Variants in ZNF638 observed in about 807,000 individuals in gnomAD.
The protein encoded by ZNF638 is CTCL tumor antigen se33-1.
In ZNF638, 46 loss-of-function variants were observed where a neutral mutation model predicts 195.6. The ratio of observed to expected loss-of-function variants is 0.24; its 90% CI spans 0.19 to 0.30. The LOEUF is 0.30. ZNF638 is among the 10% of genes least tolerant of loss of function. The pLI, the probability that ZNF638 is intolerant of heterozygous loss-of-function variation, is 1.00. For missense variants in ZNF638, 2,440 were observed against 2,325.3 expected (o/e 1.05, Z -1.01); for synonymous variants, 845 against 772.0 (o/e 1.09, Z -1.57).
intron 10 of ZNF638, among the ~76,000 whole-genome samples, chr2:71,384,153 C>T (rs984462883): frequency 2.0e-5 from 3 of 152,188 alleles, no homozygotes; most frequent in African/African-American, 7.2e-5. Flanking sequence ...ACTGACTCTA[C>T]TTCAGCTCTC....
intron 10 of ZNF638, among the ~76,000 whole-genome samples, chr2:71,382,886 A>G (rs1990775): frequency 0.9 from 137,430 of 152,278 alleles, 62,096 homozygotes; most frequent in Admixed American, 0.92. Flanking sequence ...AAGTAGACAG[A>G]CCTACTAACA....
At chr2:71,375,995 A>G (rs112808716) in intron 8 of ZNF638, 107 of 152,358 alleles carry the variant, frequency 7.0e-4, no homozygotes, top group African/African-American at 2.4e-3. Flanking sequence ...GTTTTCTTTC[A>G]TTCTAAACAG....
At chr2:71,340,253 C>G (rs1210460004) in intron 1 of ZNF638, among the ~76,000 whole-genome samples, 1 of 152,184 alleles carries the variant, frequency 6.6e-6, no homozygotes, top group Non-Finnish European at 1.5e-5. Context: ...GAAGGCACCA[C>G]ATTTTGGCAT....
intron 20 of ZNF638, among the ~76,000 whole-genome samples, chr2:71,409,800 C>G (rs569639254): frequency 3.9e-5 from 6 of 152,090 alleles, no homozygotes; most frequent in Non-Finnish European, 2.9e-5. Flanking sequence ...TTTGCTTTGT[C>G]GACCAATTAT....
intron 1 of ZNF638, among the ~76,000 whole-genome samples, chr2:71,344,004 C>T (rs1160362340): frequency 1.3e-5 from 2 of 152,174 alleles, no homozygotes; most frequent in Admixed American, 6.5e-5. Flanking sequence ...GTGGCACGCA[C>T]CTGTAGTCCC....
intron 10 of ZNF638, among the ~76,000 whole-genome samples, chr2:71,391,097 T>C (rs2079766613): frequency 6.6e-6 from 1 of 152,180 alleles, no homozygotes; most frequent in Non-Finnish European, 1.5e-5. Context: ...GCCAGCCATA[T>C]AGAACCATCA....
Position 71,360,334 on chromosome 2 carries a change from G to A in ZNF638, c.1380-2819G>A, listed in dbSNP as rs73941811. ...ATTTCTAAATTCAGCATGTATCTCC[G>A]AAGTATTAGGATGTTCTGCATAACC... is the stretch of plus-strand genomic sequence containing the variant. On this transcript the variant is annotated intron_variant, in intron 3 of 27. Transcript: ENST00000264447. Among the ~76,000 whole-genome samples the A allele has an allele frequency of 6.0e-3, 914 of 152,190 alleles. 16 individuals carry two copies. The highest frequency in any genetic ancestry group is 0.021 in the African/African-American group (865 of 41,512).
In ZNF638 at chr2:71,406,309, A is replaced by G. The variant is rs535473579; in HGVS notation, c.3135+47A>G. On this transcript the variant is annotated intron_variant, in intron 19 of 27. Coordinates refer to ENST00000264447, the MANE Select transcript of ZNF638 (RefSeq NM_014497.5). ...TAGCTATTCATTCTGTAAAGAATGT[A>G]TAATAACCCTGTATTCTGACAATCT... 1.3e-5 allele frequency: 20 copies of G among 1,552,026 alleles called. No individual in the cohort carries two copies. The South Asian group carries it at 2.1e-4, about 17-fold the overall frequency.
At chr2:71,361,982 C>T (rs1028564686) in intron 3 of ZNF638, among the ~76,000 whole-genome samples, 2 of 152,156 alleles carry the variant, frequency 1.3e-5, no homozygotes, top group Non-Finnish European at 2.9e-5. Context: ...CAGAAGTTTG[C>T]TGCCTCCATT....
chr2:71,429,320 G>A (rs917843909), intron 25 of ZNF638, among the ~76,000 whole-genome samples: 1 of 152,026 alleles, frequency 6.6e-6, no homozygotes, highest in Non-Finnish European at 1.5e-5. Flanking sequence ...GTATGATTTG[G>A]TCCAAGGATT....
At position 71,422,943 on chromosome 2, in the gene ZNF638, G is replaced by C; in HGVS notation, c.3429G>C (p.Gln1143His). ...PSIQTETLVQ[Q>H]EEPCEEEAEK... Reference sequence around the variant, plus strand: ...TTCAAACAGAAACTTTGGTACAGCAGGAAGAGCCTTGTGAGGAAGAAGCTG... The same window carrying C: ...TTCAAACAGAAACTTTGGTACAGCACGAAGAGCCTTGTGAGGAAGAAGCTG... The change falls in exon 22 of 28, where the codon CAG becomes CAC. Residue 1143 changes from glutamine to histidine, a missense_variant. Transcript: ENST00000264447. 6.2e-7 allele frequency: 1 copy of C among 1,614,094 alleles called. No individual in the cohort carries two copies. The highest frequency in any genetic ancestry group is 8.5e-7 in the Non-Finnish European group (1 of 1,179,966).
At position 71,426,709 on chromosome 2, in the gene ZNF638, C is replaced by A. The variant is rs759013141; in HGVS notation, c.4840C>A (p.Leu1614Ile). 9.9e-6 allele frequency: 16 copies of A among 1,614,164 alleles called. No individual in the cohort carries two copies. Among genetic ancestry groups the A allele is most frequent in the Non-Finnish European group, 1.4e-5 (16 of 1,180,018 alleles). Residue 1614 changes from leucine (L) to isoleucine (I), a missense_variant, in exon 24 of 28, where the codon CTA (leucine) becomes ATA (isoleucine). Physicochemically the swap from Leu to Ile is conservative, Grantham distance 5 (BLOSUM62 2). Coordinates refer to ENST00000264447, the MANE Select transcript of ZNF638 (RefSeq NM_014497.5). ...GGAAGAGGAAGATGCAGCTGCACAT[C>A]TAGCACAAGCTCTAGTCACTGTGGA... ...IGEEEDAAAH[L>I]AQALVTVDEV...
Position 71,349,634 on chromosome 2 carries a change from G to T in ZNF638, c.680G>T (p.Arg227Leu), listed in dbSNP as rs542997928. 1.2e-6 allele frequency: 2 copies of T among 1,614,192 alleles called. No individual in the cohort carries two copies. Among genetic ancestry groups the T allele is most frequent in the South Asian group, 2.2e-5 (2 of 91,082 alleles). ...TACACAGAAGATCCACTTGAAGTACGTATTTATGATCCTGAAATTCCAACT... is the reference window on the plus strand; with the variant it reads ...TACACAGAAGATCCACTTGAAGTACTTATTTATGATCCTGAAATTCCAACT... The part of the protein sequence containing the change: ...YGYTEDPLEV[R>L]IYDPEIPTDE... Residue 227 changes from arginine to leucine, a missense_variant, in exon 2 of 28, where the codon CGT (arginine) becomes CTT (leucine). By Grantham distance (102) the Arg-to-Leu change is moderately radical. Coordinates refer to ENST00000264447, the MANE Select transcript of ZNF638 (RefSeq NM_014497.5).
Position 71,380,519 on chromosome 2 carries a change from T to C in ZNF638, c.2331T>C (p.Asp777=). The C allele has an allele frequency of 1.2e-6, 2 of 1,606,122 alleles. No individual in the cohort carries two copies. Among genetic ancestry groups the C allele is most frequent in the Non-Finnish European group, 1.7e-6 (2 of 1,177,170 alleles). ...TTTTTCTCCTTTTAAATAGAAGAGA[T>C]GCAGATGCTTCAAAAGCTGTTGAAA... is the stretch of plus-strand genomic sequence containing the variant. The part of the protein sequence containing the change: ...KKVSASTLKR[D]ADASKAVEIV... The change falls in exon 10 of 28, where the codon GAT becomes GAC. Residue 777 remains aspartate (D), a synonymous_variant. Transcript: ENST00000264447.
At chr2:71,393,438 G>T in intron 10 of ZNF638, 1 of 718,590 alleles carries the variant, frequency 1.4e-6, no homozygotes, top group Non-Finnish European at 2.6e-6. Flanking sequence ...ATACCATGGC[G>T]TGGCTAGGAC....
chr2:71,402,808 G>A (rs1245873239), intron 16 of ZNF638, among the ~76,000 whole-genome samples: 1 of 152,158 alleles, frequency 6.6e-6, no homozygotes, highest in Non-Finnish European at 1.5e-5. Context: ...AGAATAGTGG[G>A]AAGAAGTGTT....
chr2:71,367,882 G>A (rs916598358), intron 6 of ZNF638, among the ~76,000 whole-genome samples: 8 of 152,080 alleles, frequency 5.3e-5, no homozygotes, highest in African/African-American at 1.2e-4. Flanking sequence ...AATTTTTAAC[G>A]TAAGCGGTAA....
intron 1 of ZNF638, among the ~76,000 whole-genome samples, chr2:71,339,226 A>G (rs1573014548): frequency 1.3e-5 from 2 of 149,780 alleles, no homozygotes; most frequent in Admixed American, 6.7e-5. Flanking sequence ...ATCTCAGTGC[A>G]CTGCAGCCTC....
At chr2:71,427,493 C>A in intron 24 of ZNF638, 79 bp downstream of exon 24, 1 of 1,088,360 alleles carries the variant, frequency 9.2e-7, no homozygotes, top group Non-Finnish European at 1.3e-6. Flanking sequence ...CATGTTGTGG[C>A]ATTACCAATA....
Sources: gnomAD v4.1 joint callset for allele counts (sites outside exome capture counted in the v4.1 genomes callset) on GRCh38, gnomAD v4.1.1 for gene constraint, MANE v1.5 for transcripts, NCBI Gene and HGNC (gene_info 2026-07-23, HGNC 2026-07-21) for gene names.